CCDC9: variants seen among roughly 807,000 people sequenced by gnomAD.
CCDC9 encodes coiled-coil domain-containing protein 9.
A neutral mutation model predicts 65.6 loss-of-function variants in CCDC9; 52 were observed. The observed-to-expected ratio is 0.79, with a 90% CI of 0.63 to 1.00. The LOEUF (loss-of-function observed/expected upper bound fraction) is 1.00. Among genes scored for constraint, CCDC9 ranks in the 50% least tolerant of loss-of-function variants. The pLI is 0.00. For missense variants in CCDC9, 834 were observed against 757.2 expected, an observed-to-expected ratio of 1.10 and a Z score of -1.19; for synonymous variants, 332 against 280.3, an observed-to-expected ratio of 1.18 and a Z score of -1.84.
Position 47,264,937 on chromosome 19 carries a change from C to G in CCDC9, c.711C>G (p.His237Gln). The change falls in exon 7 of 12, where the codon CAC becomes CAG. Residue 237 changes from histidine to glutamine, a missense_variant. Physicochemically the swap from His to Gln is conservative, Grantham distance 24. Transcript: ENST00000221922. ...AGCGGGTGCGCTGTGGCCTTGAGCA[C>G]GAGCGGCAGGTGGGTGTTGGCAGTG... ...DFERVRCGLE[H>Q]ERQGRRAGLG... 6.9e-7 allele frequency: 1 copy of G among 1,448,022 alleles called. No individual in the cohort carries two copies. Among genetic ancestry groups the G allele is most frequent in the Non-Finnish European group, 9.1e-7 (1 of 1,104,100 alleles). The allele number at this position is 1,448,022 out of a possible 1,614,324, so 89.7% of individuals were successfully genotyped here.
downstream of CCDC9, chr19:47,275,415 C>T: frequency 2.0e-6 from 3 of 1,497,850 alleles, no homozygotes; most frequent in Non-Finnish European, 2.7e-6. Flanking sequence ...CGAGGATGCA[C>T]CGTCTCTGGA....
intron 5 of CCDC9, among the ~76,000 whole-genome samples, chr19:47,263,099 CAA>C (rs879267398): frequency 4.6e-5 from 6 of 130,850 alleles, no homozygotes; most frequent in Non-Finnish European, 4.9e-5. Flanking sequence ...GACCCTGTCT[CAA>C]AAAAAAAAAA....
downstream of CCDC9, chr19:47,275,200 C>G: frequency 6.6e-7 from 1 of 1,515,952 alleles, no homozygotes; most frequent in East Asian, 2.7e-5. Context: ...GCCTCCCTCT[C>G]CTGCCTCCTG....
chr19:47,257,956 TGG>T (rs2059021766), intron 1 of CCDC9: 1 of 193,192 alleles, frequency 5.2e-6, no homozygotes, highest in Non-Finnish European at 1.1e-5. Context: ...GGGTTGTAGT[TGG>T]AACTCTCTTG....
chr19:47,271,307 C>T lies in CCDC9; in HGVS notation c.1225C>T (p.Pro409Ser). 6.2e-7 allele frequency: 1 copy of T among 1,612,408 alleles called. No individual in the cohort carries two copies. Among genetic ancestry groups the T allele is most frequent in the Non-Finnish European group, 8.5e-7 (1 of 1,179,340 alleles). The change falls in exon 12 of 12, where the codon CCT (proline) becomes TCT (serine). Residue 409 changes from proline (P) to serine (S), a missense_variant. Physicochemically the swap from Pro to Ser is moderately conservative, Grantham distance 74. Coordinates refer to ENST00000221922, the MANE Select transcript of CCDC9 (RefSeq NM_015603.3). ...GATCCCAGCTCCTGCCCACCGGCCT[C>T]CTGAAGACGAGGGGGAAGAGAATGA... ...PEIPAPAHRP[P>S]EDEGEENEGE...
chr19:47,274,049 A>G (rs2059141002), downstream of CCDC9: 1 of 881,772 alleles, frequency 1.1e-6, no homozygotes, highest in Non-Finnish European at 1.4e-6. Flanking sequence ...GGAGGGGTTT[A>G]TCTGGATTTC....
intron 8 of CCDC9, among the ~76,000 whole-genome samples, chr19:47,268,212 G>T (rs546895029): frequency 2.4e-4 from 36 of 152,228 alleles, no homozygotes; most frequent in African/African-American, 8.4e-4. Flanking sequence ...GATTCAGTCA[G>T]ACTTAAAGCA....
Position 47,260,579 on chromosome 19 carries a change from C to A in CCDC9, c.211-9C>A. 1.3e-6 allele frequency: 2 copies of A among 1,532,638 alleles called. No homozygotes were observed. Among genetic ancestry groups the A allele is most frequent in the Admixed American group, 2.0e-5 (1 of 48,870 alleles). 94.9% of individuals were successfully genotyped at this position (1,532,638 alleles called of 1,614,324 possible). ...AGTGACTGTATTTTCCCCATCTCCC[C>A]TCTTCCAGGAGAAGAACCTGGGTCC... is the stretch of plus-strand genomic sequence containing the variant. On this transcript the variant is annotated splice_polypyrimidine_tract_variant and intron_variant, in intron 4 of 11. Transcript: ENST00000221922.
At chr19:47,266,528 C>T in intron 7 of CCDC9, 83 bp from the exon 8 acceptor site, 1 of 1,439,750 alleles carries the variant, frequency 6.9e-7, no homozygotes, top group Non-Finnish European at 9.2e-7. Flanking sequence ...CTGTGTGATC[C>T]TGAGCAAGTG....
rs770295777 is a variant in CCDC9, at chr19:47,258,521, G to C, written c.4-38G>C. ...GGGAAAGTCCCTGGTATGGATGGAGGTTTTTCCTTCCATCCCTCAACTGCC... is the reference window on the plus strand; with the variant it reads ...GGGAAAGTCCCTGGTATGGATGGAGCTTTTTCCTTCCATCCCTCAACTGCC... On this transcript the variant is annotated intron_variant, in intron 2 of 11. Transcript: ENST00000221922. The C allele has an allele frequency of 2.5e-6, 4 of 1,606,058 alleles. No individual in the cohort carries two copies. The African/African-American group carries it at 5.4e-5, about 21-fold the overall frequency.
At chr19:47,267,843 C>T (rs2123471744) in intron 8 of CCDC9, among the ~76,000 whole-genome samples, 1 of 147,392 alleles carries the variant, frequency 6.8e-6, no homozygotes, top group African/African-American at 2.5e-5. Flanking sequence ...TCACCGTCAC[C>T]TTTTTTTTTT....
chr19:47,260,609 C>T lies in CCDC9; in HGVS notation c.232C>T (p.Arg78Trp), dbSNP rs752012649. The T allele has an allele frequency of 3.9e-5, 59 of 1,526,910 alleles. No homozygotes were observed. Among genetic ancestry groups the T allele is most frequent in the Admixed American group, 8.4e-5 (4 of 47,492 alleles). 94.6% of individuals were successfully genotyped at this position (1,526,910 alleles called of 1,614,324 possible). The stretch of plus-strand genomic sequence containing the variant: ...CCAGGAGAAGAACCTGGGTCCTTCC[C>T]GGAGGTCTCCTGGGACCCCTCGGCC... ...VESEKNLGPS[R>W]RSPGTPRPPG... The change falls in exon 5 of 12, where the codon CGG becomes TGG. Residue 78 changes from arginine to tryptophan, a missense_variant. By Grantham distance (101) the Arg-to-Trp change is moderately radical. Transcript: ENST00000221922.
intron 3 of CCDC9, among the ~76,000 whole-genome samples, 173 bp downstream of exon 3, chr19:47,258,836 T>TTATC (rs2059027932): frequency 6.6e-6 from 1 of 152,032 alleles, no homozygotes; most frequent in South Asian, 2.1e-4. Context: ...ATTCATTCAT[T>TTATC]TGTTCACAAA....
At chr19:47,275,219 C>T (rs779975297), downstream of CCDC9, 20 of 1,528,676 alleles carry the variant, frequency 1.3e-5, no homozygotes, top group South Asian at 1.1e-4. Context: ...TGGGAGTCCC[C>T]GGCGGGCCGC....
At chr19:47,274,684 G>A (rs1317979693), downstream of CCDC9, 160 of 257,460 alleles carry the variant, frequency 6.2e-4, 4 homozygotes, top group East Asian at 0.011. Flanking sequence ...GCGCGGGGGC[G>A]GGGCTGGAGC....
Position 47,271,570 on chromosome 19 carries a change from C to G in CCDC9, c.1488C>G (p.His496Gln). ...GCCCTTTCTCACCACCCAGCGGCCA[C>G]CAGCCTGTGTCCGATTGGGGTGAAG... ...PSSPFSPPSGHQPVSDWGEEV... is the reference protein window; with the variant it reads ...PSSPFSPPSGQQPVSDWGEEV... The change falls in exon 12 of 12, where the codon CAC (histidine) becomes CAG (glutamine). Residue 496 changes from histidine to glutamine, a missense_variant. Physicochemically the swap from His to Gln is conservative, Grantham distance 24. Transcript: ENST00000221922. The G allele has an allele frequency of 1.2e-6, 2 of 1,613,288 alleles. No individual in the cohort carries two copies. The highest frequency in any genetic ancestry group is 1.7e-6 in the Non-Finnish European group (2 of 1,179,970).
Position 47,266,786 on chromosome 19 carries a change from A to G in CCDC9, c.896A>G (p.Asp299Gly). 6.2e-7 allele frequency: 1 copy of G among 1,607,270 alleles called. No homozygotes were observed. Among genetic ancestry groups the G allele is most frequent in the Non-Finnish European group, 8.5e-7 (1 of 1,177,076 alleles). The change falls in exon 8 of 12, where the codon GAT (aspartate) becomes GGT (glycine). Residue 299 changes from aspartate (D) to glycine (G), a missense_variant. Coordinates refer to ENST00000221922, the MANE Select transcript of CCDC9 (RefSeq NM_015603.3). ...WRREWDAEKTDGMFKDGPVPA... is the reference protein window; with the variant it reads ...WRREWDAEKTGGMFKDGPVPA... ...CGCGAGTGGGATGCCGAGAAGACCG[A>G]TGGGATGTGAGTCTCCTCCCCGCTC...
intron 5 of CCDC9, among the ~76,000 whole-genome samples, chr19:47,263,599 CTT>C (rs1357683552): frequency 6.6e-6 from 1 of 152,130 alleles, no homozygotes; most frequent in East Asian, 1.9e-4. Flanking sequence ...GAGTTTCACT[CTT>C]GTTGCCCAGG....
chr19:47,260,550 C>T (rs777550741), intron 4 of CCDC9, 38 bp from the exon 5 acceptor site: 1 of 1,550,156 alleles, frequency 6.5e-7, no homozygotes, highest in East Asian at 2.3e-5. Flanking sequence ...TGCCTCCCTG[C>T]CCCAGTGACT....
Sources: gnomAD v4.1 joint callset for allele counts (sites outside exome capture counted in the v4.1 genomes callset) on GRCh38, gnomAD v4.1.1 for gene constraint, MANE v1.5 for transcripts, NCBI Gene and HGNC (gene_info 2026-07-23, HGNC 2026-07-21) for gene names.